LPCAT2: variants seen among roughly 807,000 people sequenced by gnomAD.
LPCAT2 encodes the protein 1-AGP acyltransferase 11.
A neutral mutation model predicts 64.7 loss-of-function variants in LPCAT2; 58 were observed. The observed-to-expected ratio is 0.90, with a 90% CI of 0.73 to 1.12. LPCAT2 has a LOEUF of 1.12. LPCAT2 is among the 50% of genes most tolerant of loss of function. LPCAT2 has a pLI of 0.00. For synonymous variants in LPCAT2, 252 were observed against 245.3 expected (o/e 1.03, Z -0.26); for missense variants, 579 against 669.8 (o/e 0.86, Z 1.50).
chr16:55,541,067 A>C (rs1963390184), intron 8 of LPCAT2: 1 of 152,108 alleles, frequency 6.6e-6, no homozygotes, highest in Non-Finnish European at 1.5e-5. Context: ...TGCAATTTAA[A>C]CTTATGAATT....
At position 55,509,308 on chromosome 16, in the gene LPCAT2, C is replaced by T. The variant is rs910803532; in HGVS notation, c.127C>T (p.Pro43Ser). The T allele has an allele frequency of 6.6e-7, 1 of 1,505,130 alleles. No homozygotes were observed. The highest frequency in any genetic ancestry group is 8.9e-7 in the Non-Finnish European group (1 of 1,118,570). The allele number at this position is 1,505,130 out of a possible 1,614,324, so 93.2% of individuals were successfully genotyped here. The change falls in exon 1 of 14, where the codon CCC (proline) becomes TCC (serine). Residue 43 changes from proline to serine, a missense_variant. Pro to Ser is a moderately conservative substitution (Grantham distance 74, BLOSUM62 -1). Transcript: ENST00000262134. ...CTTCTTCCCGCCGCCGGTGCCGAAC[C>T]CCTTCGTGCAGCAGACGCAGATCGG... is the stretch of plus-strand genomic sequence containing the variant. Reference protein sequence around the residue: ...ASFFPPPVPNPFVQQTQIGSA... With the variant: ...ASFFPPPVPNSFVQQTQIGSA...
At chr16:55,512,078 T>C (rs1252362024) in intron 1 of LPCAT2, among the ~76,000 whole-genome samples, 2 of 152,230 alleles carry the variant, frequency 1.3e-5, no homozygotes, top group South Asian at 2.1e-4. Flanking sequence ...GCTTACCATG[T>C]ACACAGAGCT....
chr16:55,567,154 G>A (rs1161683939), intron 11 of LPCAT2: 1 of 1,613,906 alleles, frequency 6.2e-7, no homozygotes, highest in Admixed American at 1.7e-5. Context: ...GTCATGGACA[G>A]TGACACGACT....
intron 11 of LPCAT2, among the ~76,000 whole-genome samples, chr16:55,553,128 C>T (rs1052033470): frequency 3.9e-5 from 6 of 152,100 alleles, no homozygotes; most frequent in African/African-American, 1.2e-4. Flanking sequence ...ATCCCAGCTA[C>T]CTGGGAGGCT....
intron 1 of LPCAT2, among the ~76,000 whole-genome samples, chr16:55,515,891 G>A (rs1423601533): frequency 6.6e-6 from 1 of 152,050 alleles, no homozygotes; most frequent in Non-Finnish European, 1.5e-5. Flanking sequence ...TGATACACTA[G>A]AAAATATTTA....
chr16:55,534,566 T>G (rs1375322673), intron 7 of LPCAT2, 89 bp downstream of exon 7: 2 of 637,552 alleles, frequency 3.1e-6, no homozygotes, highest in East Asian at 6.6e-5. Context: ...TAAAAAAGTA[T>G]TATTTTAAAA....
chr16:55,527,922 C>G (rs1963195663), intron 2 of LPCAT2, among the ~76,000 whole-genome samples: 1 of 152,158 alleles, frequency 6.6e-6, no homozygotes, highest in Non-Finnish European at 1.5e-5. Context: ...ATAGTAGCAT[C>G]TTCATTACAC....
intron 11 of LPCAT2, among the ~76,000 whole-genome samples, chr16:55,560,550 A>G (rs969261743): frequency 6.6e-6 from 1 of 152,138 alleles, no homozygotes; most frequent in African/African-American, 2.4e-5. Flanking sequence ...ATTAACATAT[A>G]GCATAAAAAG....
intron 1 of LPCAT2, among the ~76,000 whole-genome samples, chr16:55,522,534 G>A (rs182837455): frequency 1.4e-5 from 2 of 144,434 alleles, no homozygotes; most frequent in Non-Finnish European, 3.0e-5. Context: ...TCAGAAAAAT[G>A]AAGAAGAAGA....
chr16:55,567,138 G>T, intron 11 of LPCAT2: 1 of 1,613,876 alleles, frequency 6.2e-7, no homozygotes, highest in East Asian at 2.2e-5. Context: ...CCGGAGCATT[G>T]TGTCTGTCAT....
intron 7 of LPCAT2, among the ~76,000 whole-genome samples, chr16:55,535,727 C>T (rs1963314839): frequency 6.6e-6 from 1 of 152,162 alleles, no homozygotes; most frequent in Non-Finnish European, 1.5e-5. Context: ...GGATGCATAG[C>T]ATACTTCCAC....
chr16:55,533,313 C>T (rs1276591120), intron 6 of LPCAT2, among the ~76,000 whole-genome samples: 2 of 151,164 alleles, frequency 1.3e-5, no homozygotes, highest in African/African-American at 2.4e-5. Context: ...ATTACTGCCT[C>T]AGTACTTACT....
At chr16:55,519,346 A>AAT (rs1963059851) in intron 1 of LPCAT2, among the ~76,000 whole-genome samples, 1 of 151,568 alleles carries the variant, frequency 6.6e-6, no homozygotes, top group Admixed American at 6.6e-5. Flanking sequence ...TAAAAAAAAA[A>AAT]AAAATACAAA....
intron 12 of LPCAT2, among the ~76,000 whole-genome samples, chr16:55,575,209 C>T (rs1182305100): frequency 1.3e-5 from 2 of 152,116 alleles, no homozygotes; most frequent in African/African-American, 4.8e-5. Context: ...GTCCCAAGTT[C>T]CTGCCCCTCA....
chr16:55,512,859 C>T (rs1420624904), intron 1 of LPCAT2, among the ~76,000 whole-genome samples: 1 of 152,162 alleles, frequency 6.6e-6, no homozygotes, highest in African/African-American at 2.4e-5. Flanking sequence ...TAGTCCTATA[C>T]CCTAGGACTA....
intron 10 of LPCAT2, among the ~76,000 whole-genome samples, chr16:55,550,542 C>T (rs1321264703): frequency 2.0e-5 from 3 of 152,146 alleles, no homozygotes; most frequent in African/African-American, 4.8e-5. Context: ...TATTATTCCA[C>T]TACAATGTTC....
chr16:55,551,008 C>G lies in LPCAT2; in HGVS notation c.1121C>G (p.Ser374Ter). 6.2e-7 allele frequency: 1 copy of G among 1,612,808 alleles called. No homozygotes were observed. The highest frequency in any genetic ancestry group is 1.1e-5 in the South Asian group (1 of 90,960). ...LDEYASIASS[S>*]KGGRIGIEEF... ...GAATATGCATCTATTGCGAGTTCCT[C>G]AAAAGGAGGAAGAATTGGAATTGAA... Residue 374 changes from serine to a stop codon, truncating the protein, a stop_gained, in exon 11 of 14, where the codon TCA becomes TGA. Coordinates refer to ENST00000262134, the MANE Select transcript of LPCAT2 (RefSeq NM_017839.5). LOFTEE classifies it high-confidence loss of function.
rs1199528959 is a variant in LPCAT2 at position 55,584,623 on chromosome 16, ATG to A, written c.*1527_*1528del. Reference sequence around the variant, plus strand: ...CTCCTTGTTTTGGCCGTGTTTCTGAATGTATTGGTGATTCACCCCCAAGCTAA... The same window carrying A: ...CTCCTTGTTTTGGCCGTGTTTCTGAATATTGGTGATTCACCCCCAAGCTAA... On this transcript the variant is annotated 3_prime_UTR_variant, in exon 14 of 14. Transcript: ENST00000262134. The A allele has an allele frequency of 6.6e-6, 1 of 152,134 alleles. No homozygotes were observed. Among genetic ancestry groups the A allele is most frequent in the Non-Finnish European group, 1.5e-5 (1 of 68,012 alleles). The allele number at this position is 152,134 out of a possible 1,614,324, so 9.4% of individuals were successfully genotyped here. A position where few individuals can be genotyped will look rare whatever the true frequency, so the allele number is the denominator to read the frequency against.
intron 8 of LPCAT2, chr16:55,540,069 C>T (rs1368423116): frequency 6.6e-6 from 1 of 152,072 alleles, no homozygotes; most frequent in African/African-American, 2.4e-5. Flanking sequence ...CTACCAAAGT[C>T]TTTAATTACC....
Sources: gnomAD v4.1 joint callset for allele counts (sites outside exome capture counted in the v4.1 genomes callset) on GRCh38, gnomAD v4.1.1 for gene constraint, MANE v1.5 for transcripts, NCBI Gene and HGNC (gene_info 2026-07-23, HGNC 2026-07-21) for gene names.